Variants in PLCG2 observed in about 807,000 individuals in gnomAD.
PLCG2 encodes phospholipase C gamma 2, also known as 1-phosphatidylinositol 4,5-bisphosphate phosphodiesterase gamma-2.
In PLCG2, 69 loss-of-function variants were observed where a neutral mutation model predicts 175.6. The ratio of observed to expected loss-of-function variants is 0.39; its 90% CI spans 0.32 to 0.48. PLCG2 has a LOEUF of 0.48. PLCG2 is among the 20% of genes least tolerant of loss of function. PLCG2 has a pLI of 0.91. For synonymous variants in PLCG2, 827 were observed against 624.0 expected (o/e 1.33, Z -4.85); for missense variants, 1,798 against 1,650.9 (o/e 1.09, Z -1.54).
intron 2 of PLCG2, among the ~76,000 whole-genome samples, chr16:81,820,921 A>T (rs1904770059): frequency 6.8e-6 from 1 of 147,144 alleles, no homozygotes; most frequent in Admixed American, 6.9e-5. Flanking sequence ...ATGCCTGGCT[A>T]ATTTTTGTGT....
At chr16:81,842,195 G>A (rs12600082) in intron 2 of PLCG2, among the ~76,000 whole-genome samples, 14,489 of 152,182 alleles carry the variant, frequency 0.095, 786 homozygotes, top group South Asian at 0.15. Flanking sequence ...CCCTACAAAG[G>A]GAGGCTTTCT....
chr16:81,750,732 A>G (rs1417105603), intron 1 of PLCG2, among the ~76,000 whole-genome samples: 1 of 116,706 alleles, frequency 8.6e-6, no homozygotes, highest in Non-Finnish European at 1.6e-5. Context: ...CAGTGGCGCG[A>G]TCTCGGCTCA....
At chr16:81,956,661 A>G (rs771676985) in intron 31 of PLCG2, 34 bp from the exon 32 acceptor site, 2 of 1,584,314 alleles carry the variant, frequency 1.3e-6, no homozygotes, top group East Asian at 4.5e-5. Flanking sequence ...AGGTGTAGTC[A>G]CCACATGGTT....
At chr16:81,799,491 C>T (rs556535054) in intron 2 of PLCG2, among the ~76,000 whole-genome samples, 7 of 152,256 alleles carry the variant, frequency 4.6e-5, no homozygotes, top group African/African-American at 1.4e-4. Flanking sequence ...GTGGTGTGAC[C>T]ATAGGTCACT....
chr16:81,827,332 T>TGA (rs941645411), intron 2 of PLCG2, among the ~76,000 whole-genome samples: 5 of 152,022 alleles, frequency 3.3e-5, no homozygotes, highest in Non-Finnish European at 5.9e-5. Context: ...CACAGGTGTA[T>TGA]GCTCCCATGC....
At chr16:81,937,516 G>A (rs1031379979) in intron 27 of PLCG2, 1 of 399,434 alleles carries the variant, frequency 2.5e-6, no homozygotes, top group African/African-American at 2.0e-5. Context: ...GACACTTTTA[G>A]CAAGTTTGAA....
chr16:81,962,483 C>G lies in PLCG2; in HGVS notation c.*4485C>G, dbSNP rs1262295505. On this transcript the variant is annotated 3_prime_UTR_variant, in exon 33 of 33. Transcript: ENST00000564138. ...CTGCCTCTCAGAAATTTCCACATTT[C>G]TTATTTTTCATTAGGCCTTAAGAAG... 2 of 213,956 alleles carry G rather than the reference C, an allele frequency of 9.3e-6. No homozygotes were observed. The highest frequency in any genetic ancestry group is 1.9e-5 in the Non-Finnish European group (2 of 106,316). The allele number at this position is 213,956 out of a possible 1,614,324, so 13.3% of individuals were successfully genotyped here.
intron 27 of PLCG2, among the ~76,000 whole-genome samples, chr16:81,936,877 T>C (rs1910737140): frequency 6.6e-6 from 1 of 152,226 alleles, no homozygotes. Context: ...TCCTTTACAT[T>C]CTTTTTATAG....
At chr16:81,822,750 A>G (rs1454044661) in intron 2 of PLCG2, among the ~76,000 whole-genome samples, 1 of 128,602 alleles carries the variant, frequency 7.8e-6, no homozygotes, top group African/African-American at 3.1e-5. Flanking sequence ...GACAAGAGCG[A>G]GACTCCATCT....
chr16:81,793,195 TG>T (rs1182975307), intron 2 of PLCG2, among the ~76,000 whole-genome samples: 1 of 152,204 alleles, frequency 6.6e-6, no homozygotes, highest in Non-Finnish European at 1.5e-5. Flanking sequence ...AAGATGGTGC[TG>T]GGATTCCTTC....
rs531616395 is a variant in PLCG2, at chr16:81,888,181, A to G, written c.766-991A>G. ...TGAGATGACCATAGGAGGAAGAAAG[A>G]TGCTTGTTTGCACAAGCTGCCACGG... On this transcript the variant is annotated intron_variant, in intron 9 of 32. Coordinates refer to ENST00000564138, the MANE Select transcript of PLCG2 (RefSeq NM_002661.5). Among the ~76,000 whole-genome samples, 7 of 152,282 alleles carry G rather than the reference A, an allele frequency of 4.6e-5. No homozygotes were observed. In the South Asian group the frequency reaches 1.5e-3, roughly 32 times the overall value.
At chr16:81,820,761 C>G (rs540266659) in intron 2 of PLCG2, among the ~76,000 whole-genome samples, 2 of 152,192 alleles carry the variant, frequency 1.3e-5, no homozygotes, top group Non-Finnish European at 2.9e-5. Flanking sequence ...GCTGGGATTA[C>G]AGGTGCACAC....
chr16:81,921,159 C>T, intron 20 of PLCG2, 39 bp from the exon 21 acceptor site: 1 of 1,247,942 alleles, frequency 8.0e-7, no homozygotes. Context: ...ATTCCAGGAG[C>T]ATGGATTATT....
At chr16:81,805,370 G>A (rs1911950692) in intron 2 of PLCG2, among the ~76,000 whole-genome samples, 1 of 151,478 alleles carries the variant, frequency 6.6e-6, no homozygotes. Context: ...GTGGTGTCGG[G>A]TGCCTATAGT....
At chr16:81,853,406 A>G (rs956518355) in intron 2 of PLCG2, among the ~76,000 whole-genome samples, 1 of 152,040 alleles carries the variant, frequency 6.6e-6, no homozygotes, top group African/African-American at 2.4e-5. Flanking sequence ...CCAGCGTGCC[A>G]GTGCTCCTAA....
intron 32 of PLCG2, among the ~76,000 whole-genome samples, chr16:81,957,120 G>C (rs1368317262): frequency 6.6e-6 from 1 of 152,000 alleles, no homozygotes; most frequent in East Asian, 1.9e-4. Context: ...CCAACATGGA[G>C]AAACCCTGTC....
At chr16:81,756,634 C>T (rs1173950277) in intron 2 of PLCG2, among the ~76,000 whole-genome samples, 2 of 152,150 alleles carry the variant, frequency 1.3e-5, no homozygotes, top group African/African-American at 2.4e-5. Flanking sequence ...TGAGAGGTAC[C>T]AGGTCCCAAG....
chr16:81,850,823 C>A (rs13334467), intron 2 of PLCG2, among the ~76,000 whole-genome samples: 1 of 152,150 alleles, frequency 6.6e-6, no homozygotes, highest in East Asian at 1.9e-4. Flanking sequence ...TATAATGCAG[C>A]CAAGGTGGAG....
Position 81,816,010 on chromosome 16 carries a change from C to T in PLCG2, c.193+29828C>T, listed in dbSNP as rs187556785. Among the ~76,000 whole-genome samples, 50 of 150,284 alleles carry T rather than the reference C, an allele frequency of 3.3e-4. 1 individual carries two copies. The South Asian group carries it at 8.6e-3, about 26-fold the overall frequency. ...CCGGGAGGTGGAGGTTGCGGTGAGC[C>T]GAGATTGTGCCACTGCACTTCAGCC... is the stretch of plus-strand genomic sequence containing the variant. On this transcript the variant is annotated intron_variant, in intron 2 of 32. Transcript: ENST00000564138.
Sources: allele counts gnomAD v4.1 joint callset (sites outside exome capture counted in the v4.1 genomes callset), GRCh38; gene constraint gnomAD v4.1.1; transcripts MANE v1.5; gene names NCBI Gene and HGNC (gene_info 2026-07-23, HGNC 2026-07-21).